The following PTPRD variants were observed in gnomAD, a reference collection of about 807,000 sequenced individuals.
PTPRD encodes receptor-type tyrosine-protein phosphatase delta.
A neutral mutation model predicts 214.5 loss-of-function variants in PTPRD; 34 were observed. The observed-to-expected ratio is 0.16, with a 90% CI of 0.12 to 0.21. The LOEUF is 0.21. Ranked by LOEUF, PTPRD falls within the 10% of genes least tolerant of loss-of-function variation. PTPRD has a pLI of 1.00. For missense variants in PTPRD, 2,545 were observed against 2,398.7 expected, an observed-to-expected ratio of 1.06 and a Z score of -1.27; for synonymous variants, 1,128 against 845.7, an observed-to-expected ratio of 1.33 and a Z score of -5.79.
chr9:10,314,897 T>G (rs1234413116), intron 3 of PTPRD, among the ~76,000 whole-genome samples: 1 of 151,912 alleles, frequency 6.6e-6, no homozygotes, highest in Non-Finnish European at 1.5e-5. Context: ...ATTGCAGGTT[T>G]TCTCTGGTAT....
chr9:9,282,107 G>A (rs1377126102), intron 9 of PTPRD, among the ~76,000 whole-genome samples: 1 of 151,364 alleles, frequency 6.6e-6, no homozygotes, highest in East Asian at 2.0e-4. Flanking sequence ...AAGGAAGGAA[G>A]AATGAATAGG....
chr9:10,543,461 G>C (rs904875735), intron 2 of PTPRD, among the ~76,000 whole-genome samples: 2 of 129,216 alleles, frequency 1.5e-5, no homozygotes, highest in African/African-American at 5.6e-5. Flanking sequence ...CCAGTTTGAA[G>C]AGTTTAATAT....
At chr9:8,369,724 T>C (rs2080959828) in intron 39 of PTPRD, among the ~76,000 whole-genome samples, 2 of 152,054 alleles carry the variant, frequency 1.3e-5, no homozygotes, top group African/African-American at 2.4e-5. Context: ...GTCTTCCTTT[T>C]GTCTTAAAAA....
intron 37 of PTPRD, among the ~76,000 whole-genome samples, chr9:8,384,154 A>C (rs1416885668): frequency 6.6e-6 from 1 of 152,210 alleles, no homozygotes; most frequent in African/African-American, 2.4e-5. Context: ...CATGTGCCCC[A>C]GTCATCAAAA....
chr9:10,439,284 G>T (rs1315296652), intron 2 of PTPRD, among the ~76,000 whole-genome samples: 1 of 151,782 alleles, frequency 6.6e-6, no homozygotes, highest in African/African-American at 2.4e-5. Context: ...GAAAAAGGAT[G>T]CCCCAAGCAT....
At chr9:8,482,738 G>C (rs977433238) in intron 30 of PTPRD, among the ~76,000 whole-genome samples, 1 of 152,164 alleles carries the variant, frequency 6.6e-6, no homozygotes, top group Non-Finnish European at 1.5e-5. Context: ...CTTGGCTCTT[G>C]TATGCCTCCT....
chr9:9,947,536 TATATA>T (rs1566622643), intron 4 of PTPRD, among the ~76,000 whole-genome samples: 7 of 30,262 alleles, frequency 2.3e-4, no homozygotes, highest in African/African-American at 1.2e-3. Flanking sequence ...ATATATTTTA[TATATA>T]ATATATATAT....
intron 9 of PTPRD, among the ~76,000 whole-genome samples, chr9:9,184,582 C>T (rs754228357): frequency 6.6e-6 from 1 of 151,996 alleles, no homozygotes; most frequent in Non-Finnish European, 1.5e-5. Context: ...ATTGGCACTG[C>T]GTTTTATGTA....
intron 3 of PTPRD, among the ~76,000 whole-genome samples, chr9:10,296,128 A>G (rs1005387578): frequency 6.6e-6 from 1 of 152,114 alleles, no homozygotes; most frequent in African/African-American, 2.4e-5. Context: ...CAAAGTATAC[A>G]CAATCAGCTA....
At chr9:9,592,988 T>C (rs1214573470) in intron 7 of PTPRD, among the ~76,000 whole-genome samples, 1 of 151,396 alleles carries the variant, frequency 6.6e-6, no homozygotes, top group East Asian at 2.0e-4. Context: ...GAGGCTGCAG[T>C]GAGCCAAGAT....
intron 4 of PTPRD, among the ~76,000 whole-genome samples, chr9:9,964,652 A>C (rs1279559965): frequency 6.6e-6 from 1 of 152,322 alleles, no homozygotes; most frequent in African/African-American, 2.4e-5. Flanking sequence ...TTTTTAAAAA[A>C]TGTTTAGTTT....
chr9:9,256,478 T>C (rs576697694), intron 9 of PTPRD, among the ~76,000 whole-genome samples: 3 of 151,980 alleles, frequency 2.0e-5, no homozygotes, highest in East Asian at 3.9e-4. Context: ...GCCTAAAAGA[T>C]TTAAACTCTT....
intron 2 of PTPRD, among the ~76,000 whole-genome samples, chr9:10,490,409 A>G (rs552667492): frequency 1.3e-5 from 2 of 152,324 alleles, no homozygotes; most frequent in East Asian, 3.9e-4. Flanking sequence ...AATTATTGCC[A>G]TCATCCTAAT....
rs189570526 is a variant in PTPRD, at chr9:9,124,549, T to C, written c.-143+58755A>G. Among the ~76,000 whole-genome samples, 12 of 152,288 alleles carry C rather than the reference T, an allele frequency of 7.9e-5. No individual in the cohort carries two copies. In the East Asian group the frequency reaches 2.1e-3, roughly 27 times the overall value. On this transcript the variant is annotated intron_variant, in intron 10 of 45. Transcript: ENST00000381196. ...AAGACTAAAAACAATCAAGCAATTA[T>C]AGACTCTCAGCTCTAAAATTGCCTT... is the stretch of plus-strand genomic sequence containing the variant.
At chr9:9,246,270 C>T (rs915001307) in intron 9 of PTPRD, among the ~76,000 whole-genome samples, 2 of 151,990 alleles carry the variant, frequency 1.3e-5, no homozygotes, top group Admixed American at 1.3e-4. Context: ...CTAATACTTT[C>T]AGGTTTTTCT....
At chr9:8,987,957 A>G (rs1490274479) in intron 11 of PTPRD, among the ~76,000 whole-genome samples, 1 of 152,076 alleles carries the variant, frequency 6.6e-6, no homozygotes, top group Non-Finnish European at 1.5e-5. Context: ...AGGAACAGGT[A>G]GCTGAAGATG....
chr9:9,374,372 A>G (rs1239660583), intron 9 of PTPRD, among the ~76,000 whole-genome samples: 1 of 152,138 alleles, frequency 6.6e-6, no homozygotes, highest in Non-Finnish European at 1.5e-5. Flanking sequence ...AGTCAAAACA[A>G]AATTATATTT....
At chr9:9,947,533 T>A (rs188173441) in intron 4 of PTPRD, among the ~76,000 whole-genome samples, 526 of 17,526 alleles carry the variant, frequency 0.03, 18 homozygotes, top group East Asian at 0.28. Context: ...TATATATATT[T>A]TATATATAAT....
chr9:8,501,451 G>A (rs1195818145), intron 23 of PTPRD, among the ~76,000 whole-genome samples: 1 of 152,106 alleles, frequency 6.6e-6, no homozygotes, highest in Non-Finnish European at 1.5e-5. Flanking sequence ...GTATTTACTT[G>A]AGGGTCTGAT....
Sources: allele counts gnomAD v4.1 joint callset (sites outside exome capture counted in the v4.1 genomes callset), GRCh38; gene constraint gnomAD v4.1.1; transcripts MANE v1.5; gene names NCBI Gene and HGNC (gene_info 2026-07-23, HGNC 2026-07-21).